The following RBFOX1 variants were observed in gnomAD, a reference collection of about 807,000 sequenced individuals.
RBFOX1 encodes RNA binding fox-1 homolog 1, also known as RNA binding protein fox-1 homolog 1.
RBFOX1 carries 8 observed loss-of-function variants against 57.7 expected under a neutral mutation model. The ratio of observed to expected loss-of-function variants is 0.14; its 90% CI spans 0.08 to 0.25. RBFOX1 has a LOEUF of 0.25. Among genes scored for constraint, RBFOX1 ranks in the 10% least tolerant of loss-of-function variants. The pLI, the probability that RBFOX1 is intolerant of heterozygous loss-of-function variation, is 1.00. For missense variants in RBFOX1, 611 were observed against 548.5 expected, an observed-to-expected ratio of 1.11 and a Z score of -1.14; for synonymous variants, 326 against 222.4, an observed-to-expected ratio of 1.47 and a Z score of -4.15.
At chr16:7,072,496 G>A (rs1287539745) in intron 4 of RBFOX1, among the ~76,000 whole-genome samples, 2 of 152,108 alleles carry the variant, frequency 1.3e-5, no homozygotes, top group African/African-American at 4.8e-5. Flanking sequence ...TAACATAGTA[G>A]AAACTAAATA....
At chr16:6,376,523 C>G (rs949800982) in intron 2 of RBFOX1, among the ~76,000 whole-genome samples, 3 of 152,140 alleles carry the variant, frequency 2.0e-5, no homozygotes, top group African/African-American at 7.2e-5. Context: ...CGGCTTGCAG[C>G]TGCGTTTTTG....
At chr16:5,608,346 C>G (rs2047661031) in intron 3 of RBFOX1, among the ~76,000 whole-genome samples, 1 of 152,172 alleles carries the variant, frequency 6.6e-6, no homozygotes, top group East Asian at 1.9e-4. Flanking sequence ...TCATAGCATA[C>G]CATGATTCTG....
chr16:7,372,203 A>G (rs146357035), intron 4 of RBFOX1, among the ~76,000 whole-genome samples: 8 of 152,242 alleles, frequency 5.3e-5, no homozygotes, highest in African/African-American at 1.9e-4. Flanking sequence ...CTTTCTCACC[A>G]TCAGTGCAGA....
At chr16:5,409,379 A>G (rs1408975139) in intron 1 of RBFOX1, among the ~76,000 whole-genome samples, 1 of 152,166 alleles carries the variant, frequency 6.6e-6, no homozygotes, top group Non-Finnish European at 1.5e-5. Context: ...TTCCAGCCTA[A>G]AAGACCCTTT....
intron 1 of RBFOX1, among the ~76,000 whole-genome samples, chr16:6,058,832 TTATC>T (rs1445358756): frequency 3.7e-5 from 3 of 81,736 alleles, no homozygotes; most frequent in Non-Finnish European, 5.9e-5. Flanking sequence ...ACTCATTTAT[TTATC>T]CATCCATCCA....
At chr16:7,109,947 A>G (rs954274930) in intron 4 of RBFOX1, among the ~76,000 whole-genome samples, 1 of 152,116 alleles carries the variant, frequency 6.6e-6, no homozygotes, top group African/African-American at 2.4e-5. Context: ...ACAATTAAAA[A>G]CTGTGATAGG....
rs527538175 is a variant in RBFOX1 at position 7,623,681 on chromosome 16, T to C, written c.677-6922T>C. Among the ~76,000 whole-genome samples, 3 of 152,278 alleles carry C rather than the reference T, an allele frequency of 2.0e-5. No homozygotes were observed. In the East Asian group the frequency reaches 5.8e-4, roughly 29 times the overall value. ...CCAGTAGGGTCCGTGGCCCAGGGGT[T>C]GGGGAACCCTGGCTTAAACAACAGA... On this transcript the variant is annotated intron_variant, in intron 10 of 15. Coordinates refer to ENST00000550418, the MANE Select transcript of RBFOX1 (RefSeq NM_018723.4).
chr16:6,834,156 C>T (rs1220490677), intron 3 of RBFOX1, among the ~76,000 whole-genome samples: 1 of 152,104 alleles, frequency 6.6e-6, no homozygotes, highest in African/African-American at 2.4e-5. Flanking sequence ...TCACCACAAC[C>T]TCCGCCTCCC....
At chr16:6,859,273 C>G (rs1473798389) in intron 3 of RBFOX1, among the ~76,000 whole-genome samples, 25 of 149,330 alleles carry the variant, frequency 1.7e-4, no homozygotes, top group Non-Finnish European at 4.4e-5. Flanking sequence ...AATGACTCCT[C>G]TTGAATATTA....
chr16:6,412,589 A>C (rs1410976069), intron 2 of RBFOX1, among the ~76,000 whole-genome samples: 1 of 152,220 alleles, frequency 6.6e-6, no homozygotes. Context: ...TCATAATAAG[A>C]AATACATTTT....
intron 2 of RBFOX1, among the ~76,000 whole-genome samples, chr16:6,318,926 C>T (rs1599586253): frequency 1.3e-5 from 2 of 151,862 alleles, no homozygotes; most frequent in South Asian, 4.2e-4. Context: ...CTTGGGATTG[C>T]AGCTTCTCTG....
chr16:7,392,422 G>C (rs750511079), intron 4 of RBFOX1, among the ~76,000 whole-genome samples: 1 of 152,164 alleles, frequency 6.6e-6, no homozygotes, highest in African/African-American at 2.4e-5. Context: ...AAAAGTGTCT[G>C]GCTCCTAGTA....
At chr16:7,514,576 G>A (rs908598476) in intron 4 of RBFOX1, among the ~76,000 whole-genome samples, 1 of 152,132 alleles carries the variant, frequency 6.6e-6, no homozygotes, top group East Asian at 1.9e-4. Context: ...CAACTGACCA[G>A]GTTTCAGCAT....
chr16:7,346,162 CT>C (rs1348649476), intron 4 of RBFOX1, among the ~76,000 whole-genome samples: 1 of 152,050 alleles, frequency 6.6e-6, no homozygotes, highest in African/African-American at 2.4e-5. Context: ...TGAACTCATC[CT>C]TTTTTATGGA....
At chr16:7,666,526 G>C (rs1329175145) in intron 13 of RBFOX1, among the ~76,000 whole-genome samples, 1 of 152,140 alleles carries the variant, frequency 6.6e-6, no homozygotes, top group Admixed American at 6.5e-5. Context: ...GTCTTATGCA[G>C]ATATCAAATT....
intron 4 of RBFOX1, among the ~76,000 whole-genome samples, chr16:7,401,094 G>T (rs1438535324): frequency 2.0e-5 from 3 of 152,216 alleles, no homozygotes; most frequent in African/African-American, 7.2e-5. Context: ...AGGAGAATTT[G>T]CCTGAAGAGA....
chr16:5,293,118 C>A (rs561255104), intron 1 of RBFOX1, among the ~76,000 whole-genome samples: 2 of 151,738 alleles, frequency 1.3e-5, no homozygotes, highest in Non-Finnish European at 2.9e-5. Flanking sequence ...GCCAGGAGTT[C>A]AAGACCAAAC....
At chr16:6,564,522 G>A (rs368715651) in intron 2 of RBFOX1, among the ~76,000 whole-genome samples, 2 of 152,140 alleles carry the variant, frequency 1.3e-5, no homozygotes, top group Admixed American at 6.5e-5. Context: ...GGGGGACACC[G>A]TGCTAAGTGA....
rs74008504 is a variant in RBFOX1, at chr16:7,015,292, C to T, written c.-15-36765C>T. On this transcript the variant is annotated intron_variant, in intron 3 of 15. Transcript: ENST00000550418. ...CTGGGACTGCAAATCAGAAACTGCT[C>T]GCATTCCTGGGATTGTTCTTCTAGA... is the stretch of plus-strand genomic sequence containing the variant. Among the ~76,000 whole-genome samples, 1,403 of 152,182 alleles carry T rather than the reference C, an allele frequency of 9.2e-3. 25 individuals are homozygous for T. Among genetic ancestry groups the T allele is most frequent in the African/African-American group, 0.032 (1,327 of 41,530 alleles).
Sources: gnomAD v4.1 joint callset for allele counts (sites outside exome capture counted in the v4.1 genomes callset) on GRCh38, gnomAD v4.1.1 for gene constraint, MANE v1.5 for transcripts, NCBI Gene and HGNC (gene_info 2026-07-23, HGNC 2026-07-21) for gene names.